The following IL1RAPL2 variants were observed in gnomAD, a reference collection of about 807,000 sequenced individuals.
IL1RAPL2 encodes the protein X-linked interleukin-1 receptor accessory protein-like 2.
Under a neutral mutation model 44.1 loss-of-function variants are expected in IL1RAPL2, and 3 were observed. The ratio of observed to expected loss-of-function variants is 0.07; its 90% CI spans 0.03 to 0.18. The LOEUF (loss-of-function observed/expected upper bound fraction) is 0.18, where lower values mean the gene tolerates loss of function less well. Ranked by LOEUF, IL1RAPL2 falls within the 10% of genes least tolerant of loss-of-function variation. The probability of loss-of-function intolerance (pLI) is 1.00; values close to 1 mark genes in which losing one functional copy is unlikely to be tolerated. For synonymous variants in IL1RAPL2, 181 were observed against 178.8 expected, an observed-to-expected ratio of 1.01 and a Z score of -0.10; for missense variants, 391 against 496.4, an observed-to-expected ratio of 0.79 and a Z score of 2.02.
chrX:104,805,404 A>C (rs1932915446), intron 2 of IL1RAPL2, among the ~76,000 whole-genome samples: 1 of 112,137 alleles, frequency 8.9e-6, no homozygotes, highest in African/African-American at 3.2e-5. Flanking sequence ...TGAGACCTTC[A>C]AGGGTAGGGG....
chrX:104,638,913 G>C (rs971551981), intron 1 of IL1RAPL2, among the ~76,000 whole-genome samples: 3 of 111,777 alleles, frequency 2.7e-5, no homozygotes, highest in African/African-American at 9.8e-5. Flanking sequence ...ATGTTTCTCT[G>C]GTTTTTCTGT....
intron 6 of IL1RAPL2, among the ~76,000 whole-genome samples, chrX:105,527,439 TG>T (rs2147791663): frequency 1.4e-5 from 1 of 73,109 alleles, no homozygotes; most frequent in Admixed American, 1.3e-4. Context: ...GAGTGTGTTG[TG>T]TGTGTGTGTG....
At chrX:105,046,290 G>A (rs2031835784) in intron 2 of IL1RAPL2, among the ~76,000 whole-genome samples, 2 of 111,712 alleles carry the variant, frequency 1.8e-5, no homozygotes, top group Non-Finnish European at 3.8e-5. Flanking sequence ...AAACCACCAT[G>A]AATAGTGTCA....
chrX:105,217,404 C>T (rs1314662988), intron 3 of IL1RAPL2, among the ~76,000 whole-genome samples: 2 of 111,787 alleles, frequency 1.8e-5, no homozygotes, highest in African/African-American at 6.5e-5. Flanking sequence ...AATGAGATAC[C>T]ACCTCACACC....
At chrX:105,228,717 G>A (rs1556192086) in intron 3 of IL1RAPL2, among the ~76,000 whole-genome samples, 1 of 112,008 alleles carries the variant, frequency 8.9e-6, no homozygotes. Context: ...CCTCAAGTTG[G>A]TACGGATAAC....
At chrX:105,406,272 A>G in intron 5 of IL1RAPL2, 3 of 1,059,887 alleles carry the variant, frequency 2.8e-6, no homozygotes, top group Non-Finnish European at 4.0e-6. Flanking sequence ...AAGCAATATC[A>G]TAGAGGCGCT....
chrX:105,280,626 A>T (rs1183252623), intron 5 of IL1RAPL2, among the ~76,000 whole-genome samples: 1 of 112,127 alleles, frequency 8.9e-6, no homozygotes, highest in Non-Finnish European at 1.9e-5. Flanking sequence ...ATATGAACAG[A>T]CACTTCTCAA....
At chrX:105,140,701 A>G (rs1315945666) in intron 2 of IL1RAPL2, among the ~76,000 whole-genome samples, 2 of 112,934 alleles carry the variant, frequency 1.8e-5, no homozygotes, top group African/African-American at 6.4e-5. Context: ...AGGTGTTTGA[A>G]GGATTAAATG....
rs1270768713 is a variant in IL1RAPL2 at position 105,717,088 on chromosome X, C to T, written c.773-279C>T. Among the ~76,000 whole-genome samples, 5 of 111,562 alleles carry T rather than the reference C, an allele frequency of 4.5e-5. 1 individual carries two copies. The highest frequency in any genetic ancestry group is 3.8e-4 in the Admixed American group (4 of 10,521). On this transcript the variant is annotated intron_variant, in intron 6 of 10. Coordinates refer to ENST00000372582, the MANE Select transcript of IL1RAPL2 (RefSeq NM_017416.2). ...TGAGCTGTGGTTGTGCCACTGCACTCCAGCCTGGGTGACAGAGTCAGACCC... is the reference window on the plus strand; with the variant it reads ...TGAGCTGTGGTTGTGCCACTGCACTTCAGCCTGGGTGACAGAGTCAGACCC...
intron 2 of IL1RAPL2, among the ~76,000 whole-genome samples, chrX:105,062,444 G>C (rs918232037): frequency 1.8e-5 from 2 of 111,083 alleles, no homozygotes; most frequent in Admixed American, 1.9e-4. Context: ...TCTTTGTCTT[G>C]CTATTTAAGG....
At chrX:105,338,270 G>A (rs1291468344) in intron 5 of IL1RAPL2, among the ~76,000 whole-genome samples, 1 of 111,881 alleles carries the variant, frequency 8.9e-6, no homozygotes, top group Non-Finnish European at 1.9e-5. Context: ...TGTCAGGATT[G>A]TAACTAGAAT....
chrX:105,233,950 A>G lies in IL1RAPL2; in HGVS notation c.489A>G (p.Pro163=). The change falls in exon 4 of 11, where the codon CCA becomes CCG. Residue 163 remains proline (P), a synonymous_variant. Coordinates refer to ENST00000372582, the MANE Select transcript of IL1RAPL2 (RefSeq NM_017416.2). The stretch of plus-strand genomic sequence containing the variant: ...CTAAAAGAAAGGAGATCTCCTGTCC[A>G]GACATGGATGACTTTAAAAAGTCCG... ...EVTKRKEISC[P]DMDDFKKSDQ... is the part of the protein sequence containing the mutation. 1 of 1,210,878 alleles carries G rather than the reference A, an allele frequency of 8.3e-7. No homozygotes were observed.
chrX:104,735,369 C>T (rs1382648595), intron 2 of IL1RAPL2, among the ~76,000 whole-genome samples: 1 of 110,881 alleles, frequency 9.0e-6, no homozygotes, highest in Non-Finnish European at 1.9e-5. Flanking sequence ...GTCACATATC[C>T]TCTGACTGTT....
At position 105,214,862 on chromosome X, in the gene IL1RAPL2, C is replaced by T. The variant is rs181545340; in HGVS notation, c.357-18956C>T. ...TACATGGAAATTGAACAATCTTCTC[C>T]TGGGTAAATAACGAAATTATGGCAG... is the stretch of plus-strand genomic sequence containing the variant. On this transcript the variant is annotated intron_variant, in intron 3 of 10. Coordinates refer to ENST00000372582, the MANE Select transcript of IL1RAPL2 (RefSeq NM_017416.2). 1.4e-3 allele frequency among the ~76,000 whole-genome samples: 157 copies of T among 112,059 alleles called. 1 individual carries two copies. Among genetic ancestry groups the T allele is most frequent in the African/African-American group, 5.0e-3 (153 of 30,828 alleles).
chrX:105,365,810 T>C (rs1175864747), intron 5 of IL1RAPL2, among the ~76,000 whole-genome samples: 1 of 111,477 alleles, frequency 9.0e-6, no homozygotes, highest in Non-Finnish European at 1.9e-5. Context: ...ACAGTATTGC[T>C]CTGTCACCCA....
At chrX:105,299,541 G>T (rs1454530586) in intron 5 of IL1RAPL2, among the ~76,000 whole-genome samples, 1 of 111,020 alleles carries the variant, frequency 9.0e-6, no homozygotes, top group Non-Finnish European at 1.9e-5. Context: ...CCTCTGTGGG[G>T]GTCTTCAAAC....
chrX:104,870,028 G>T (rs1468894041), intron 2 of IL1RAPL2, among the ~76,000 whole-genome samples: 1 of 112,069 alleles, frequency 8.9e-6, no homozygotes, highest in East Asian at 2.8e-4. Context: ...GCTAACACAT[G>T]CCTCTGGGAT....
intron 5 of IL1RAPL2, among the ~76,000 whole-genome samples, chrX:105,420,245 C>T (rs1306553361): frequency 9.0e-6 from 1 of 111,665 alleles, no homozygotes; most frequent in Non-Finnish European, 1.9e-5. Context: ...AAATCTGAAA[C>T]TACCTACTAA....
At chrX:105,100,469 G>T (rs1186827070) in intron 2 of IL1RAPL2, among the ~76,000 whole-genome samples, 1 of 111,819 alleles carries the variant, frequency 8.9e-6, no homozygotes, top group Non-Finnish European at 1.9e-5. Context: ...GGGGTCTAGA[G>T]TATCAGACAA....
Sources: gnomAD v4.1 joint callset for allele counts (sites outside exome capture counted in the v4.1 genomes callset) on GRCh38, gnomAD v4.1.1 for gene constraint, MANE v1.5 for transcripts, NCBI Gene and HGNC (gene_info 2026-07-23, HGNC 2026-07-21) for gene names.